Variants in GALNT16 observed in about 807,000 individuals in gnomAD.
The protein encoded by GALNT16 is polypeptide N-acetylgalactosaminyltransferase 16.
A neutral mutation model predicts 76.1 loss-of-function variants in GALNT16; 40 were observed. The ratio of observed to expected loss-of-function variants is 0.53; its 90% confidence interval spans 0.41 to 0.68. The LOEUF is 0.68. GALNT16 is among the 30% of genes least tolerant of loss of function. The pLI is 0.00. For missense variants in GALNT16, 621 were observed against 731.9 expected (o/e 0.85, Z 1.75); for synonymous variants, 276 against 285.2 (o/e 0.97, Z 0.32).
downstream of GALNT16, chr14:69,357,194 C>T (rs2045699419): frequency 6.6e-6 from 1 of 152,236 alleles, no homozygotes; most frequent in Non-Finnish European, 1.5e-5. Context: ...GCTATGGGAG[C>T]AAGGAGAGGG....
intron 1 of GALNT16, among the ~76,000 whole-genome samples, chr14:69,281,970 C>T (rs1439807173): frequency 6.6e-6 from 1 of 152,190 alleles, no homozygotes; most frequent in Non-Finnish European, 1.5e-5. Flanking sequence ...ATGCACAGAG[C>T]ACTTCAAAGA....
Position 69,331,459 on chromosome 14 carries a change from C to A in GALNT16, c.691-5C>A. On this transcript the variant is annotated splice_polypyrimidine_tract_variant and splice_region_variant and intron_variant, in intron 6 of 14. Transcript: ENST00000448469. ...GCCTCACACCATCTCACATCTCTCT[C>A]CTAGGACCACACCCGCGTGGTGAGT... The A allele has an allele frequency of 6.4e-7, 1 of 1,573,258 alleles. No homozygotes were observed. Among genetic ancestry groups the A allele is most frequent in the Non-Finnish European group, 8.7e-7 (1 of 1,142,862 alleles).
chr14:69,378,788 G>A, the GALNT16 span, among the ~76,000 whole-genome samples: 1 of 152,120 alleles, frequency 6.6e-6, no homozygotes, highest in Admixed American at 6.5e-5. Context: ...CTGCTCTAGA[G>A]TATTTAAAAA....
chr14:69,311,251 G>C (rs2045016159), intron 1 of GALNT16, among the ~76,000 whole-genome samples: 1 of 152,204 alleles, frequency 6.6e-6, no homozygotes, highest in African/African-American at 2.4e-5. Flanking sequence ...TTCCAGAGGG[G>C]ACAAATGCTG....
At chr14:69,382,956 T>C in the GALNT16 span, among the ~76,000 whole-genome samples, 1 of 152,312 alleles carries the variant, frequency 6.6e-6, no homozygotes, top group East Asian at 1.9e-4. Flanking sequence ...GGTCAATGAA[T>C]GTAGGTTTAT....
chr14:69,300,452 C>T (rs373344928), intron 1 of GALNT16, among the ~76,000 whole-genome samples: 35 of 152,186 alleles, frequency 2.3e-4, no homozygotes, highest in Admixed American at 2.0e-3. Flanking sequence ...CTCTAAGAGC[C>T]GTTACCCTCT....
rs1269552241 is a variant in GALNT16, at chr14:69,342,464, AGAAG to A, written c.1271+710_1271+713del. Among the ~76,000 whole-genome samples the A allele has an allele frequency of 5.8e-4, 25 of 43,034 alleles. No individual in the cohort carries two copies. The South Asian group carries it at 0.015, about 26-fold the overall frequency. 28.2% of individuals were successfully genotyped at this position (43,034 alleles called of 152,430 possible). A position where few individuals can be genotyped will look rare whatever the true frequency, so the allele number is the denominator to read the frequency against. ...AGGGGAGGGAGGGAGGGAAGGTGGA[AGAAG>A]GAAGGAAGGGAGGGAGGGAGGGAGG... On this transcript the variant is annotated intron_variant, in intron 12 of 14. Coordinates refer to ENST00000448469, the MANE Select transcript of GALNT16 (RefSeq NM_001168368.2).
intron 2 of GALNT16, among the ~76,000 whole-genome samples, chr14:69,322,364 C>T (rs2045200769): frequency 6.6e-6 from 1 of 152,218 alleles, no homozygotes; most frequent in African/African-American, 2.4e-5. Context: ...CCATGGCTGA[C>T]CTAGTCCCAG....
chr14:69,342,260 C>A (rs1192506171), intron 12 of GALNT16, among the ~76,000 whole-genome samples: 1 of 151,664 alleles, frequency 6.6e-6, no homozygotes, highest in Non-Finnish European at 1.5e-5. Context: ...CCAGCCTGGG[C>A]AACATAATGA....
At chr14:69,299,270 G>C (rs1027398327) in intron 1 of GALNT16, among the ~76,000 whole-genome samples, 4 of 152,170 alleles carry the variant, frequency 2.6e-5, no homozygotes, top group Non-Finnish European at 5.9e-5. Flanking sequence ...TGTCCCTACT[G>C]TTCCTCCAGA....
At chr14:69,277,834 C>T (rs2044493440) in intron 1 of GALNT16, among the ~76,000 whole-genome samples, 1 of 152,162 alleles carries the variant, frequency 6.6e-6, no homozygotes, top group Admixed American at 6.5e-5. Context: ...GTTTACAGTC[C>T]CATCAACAGT....
chr14:69,374,036 C>A, the GALNT16 span, among the ~76,000 whole-genome samples: 1,324 of 152,346 alleles, frequency 8.7e-3, 27 homozygotes, highest in African/African-American at 0.031. Flanking sequence ...CCGCCTCAGC[C>A]TCCCAATGTG....
At chr14:69,285,543 G>T (rs2044600317) in intron 1 of GALNT16, among the ~76,000 whole-genome samples, 2 of 152,136 alleles carry the variant, frequency 1.3e-5, no homozygotes, top group Admixed American at 6.5e-5. Context: ...AAGCAGGATG[G>T]CTCCCATTTA....
At chr14:69,304,704 TA>T (rs1295677547) in intron 1 of GALNT16, among the ~76,000 whole-genome samples, 1 of 152,250 alleles carries the variant, frequency 6.6e-6, no homozygotes, top group Non-Finnish European at 1.5e-5. Flanking sequence ...ATACTTTAAA[TA>T]AGTGGAATCA....
At chr14:69,383,083 T>C in the GALNT16 span, among the ~76,000 whole-genome samples, 1 of 152,212 alleles carries the variant, frequency 6.6e-6, no homozygotes, top group African/African-American at 2.4e-5. Context: ...TAAATGTTCT[T>C]TATGTCTCTA....
chr14:69,330,343 C>T (rs2045337474), intron 6 of GALNT16, among the ~76,000 whole-genome samples: 1 of 152,160 alleles, frequency 6.6e-6, no homozygotes. Flanking sequence ...TTATATGATT[C>T]CTTTCATAGG....
chr14:69,305,719 T>G (rs2331960), intron 1 of GALNT16, among the ~76,000 whole-genome samples: 31,960 of 152,036 alleles, frequency 0.21, 3,994 homozygotes, highest in East Asian at 0.44. Flanking sequence ...TCTCTCAGTC[T>G]TTTCACTCTG....
At chr14:69,360,989 A>G (rs1472916505), downstream of GALNT16, among the ~76,000 whole-genome samples, 1 of 152,196 alleles carries the variant, frequency 6.6e-6, no homozygotes, top group Non-Finnish European at 1.5e-5. Context: ...AGGCGGAGGG[A>G]GAGTGGGCAC....
chr14:69,281,867 G>C (rs952531883), intron 1 of GALNT16, among the ~76,000 whole-genome samples: 4 of 152,170 alleles, frequency 2.6e-5, no homozygotes, highest in African/African-American at 9.7e-5. Context: ...AGCTGAGACT[G>C]TCCCCAGTGC....
Sources: allele counts gnomAD v4.1 joint callset (sites outside exome capture counted in the v4.1 genomes callset), GRCh38; gene constraint gnomAD v4.1.1; transcripts MANE v1.5; gene names NCBI Gene and HGNC (gene_info 2026-07-23, HGNC 2026-07-21).